Variants in ASCC3 observed in about 807,000 individuals in gnomAD.
ASCC3 encodes the protein activating signal cointegrator 1 complex subunit 3.
A neutral mutation model predicts 256.3 loss-of-function variants in ASCC3; 158 were observed. The ratio of observed to expected loss-of-function variants is 0.62; its 90% CI spans 0.54 to 0.70. The LOEUF is 0.70. Ranked by LOEUF, ASCC3 falls within the 30% of genes least tolerant of loss-of-function variation. ASCC3 has a pLI of 0.00. For synonymous variants in ASCC3, 948 were observed against 883.4 expected, an observed-to-expected ratio of 1.07 and a Z score of -1.30; for missense variants, 2,259 against 2,626.0, an observed-to-expected ratio of 0.86 and a Z score of 3.05.
At chr6:100,791,267 A>G (rs1769338232) in intron 8 of ASCC3, among the ~76,000 whole-genome samples, 1 of 151,884 alleles carries the variant, frequency 6.6e-6, no homozygotes, top group South Asian at 2.1e-4. Flanking sequence ...GAGAATTTTA[A>G]AAGTTTTTCC....
chr6:100,606,174 C>A (rs915178541), intron 32 of ASCC3, among the ~76,000 whole-genome samples: 2 of 152,062 alleles, frequency 1.3e-5, no homozygotes, highest in African/African-American at 4.8e-5. Flanking sequence ...CTACATAAAT[C>A]TCTGAGATAA....
rs140710113 is a variant in ASCC3 at position 100,599,248 on chromosome 6, C to T, written c.5303+2562G>A. Among the ~76,000 whole-genome samples the T allele has an allele frequency of 1.4e-3, 207 of 152,212 alleles. 7 individuals are homozygous for T. The highest frequency in any genetic ancestry group is 0.013 in the Admixed American group (192 of 15,290). On this transcript the variant is annotated intron_variant, in intron 34 of 41. Coordinates refer to ENST00000369162, the MANE Select transcript of ASCC3 (RefSeq NM_006828.4). ...TTTTAATATTATGTCCTGAGAAGAA[C>T]ACAATATCATTTCTGTAATATTCTT...
At chr6:100,659,161 G>C (rs1776066070) in intron 16 of ASCC3, among the ~76,000 whole-genome samples, 3 of 151,336 alleles carry the variant, frequency 2.0e-5, no homozygotes. Context: ...GATATTAATA[G>C]AGGCAACATT....
chr6:100,550,455 G>A (rs1769232428), intron 36 of ASCC3, among the ~76,000 whole-genome samples: 2 of 151,916 alleles, frequency 1.3e-5, no homozygotes, highest in Admixed American at 6.6e-5. Context: ...TATGTTTCTA[G>A]TATTCAAAAG....
Position 100,638,607 on chromosome 6 carries a change from A to G in ASCC3, c.4116T>C (p.Thr1372=), listed in dbSNP as rs146759825. The G allele has an allele frequency of 3.1e-6, 5 of 1,605,894 alleles. No individual in the cohort carries two copies. The highest frequency in any genetic ancestry group is 4.3e-6 in the Non-Finnish European group (5 of 1,172,718). The change falls in exon 25 of 42, where the codon ACT becomes ACC. Residue 1372 remains threonine, a synonymous_variant. Coordinates refer to ENST00000369162, the MANE Select transcript of ASCC3 (RefSeq NM_006828.4). ...AIFRVFNKYP[T]SKAVYIAPLK... is the part of the protein sequence containing the mutation. Reference sequence around the variant, plus strand: ...TATGATTCTTTCAACAGACCTTTGAAGTAGGGTATTTGTTGAAGACTCTGA... The same window carrying G: ...TATGATTCTTTCAACAGACCTTTGAGGTAGGGTATTTGTTGAAGACTCTGA...
At chr6:100,740,736 C>T (rs534886448) in intron 10 of ASCC3, among the ~76,000 whole-genome samples, 24 of 152,278 alleles carry the variant, frequency 1.6e-4, no homozygotes, top group African/African-American at 5.8e-4. Flanking sequence ...ATGGCAACCC[C>T]TGCTTTTTTC....
chr6:100,647,476 G>A, intron 20 of ASCC3, 25 bp from the exon 21 acceptor site: 3 of 1,581,500 alleles, frequency 1.9e-6, no homozygotes, highest in Non-Finnish European at 2.6e-6. Flanking sequence ...GAGGAGATTG[G>A]TGGTTATACC....
intron 8 of ASCC3, among the ~76,000 whole-genome samples, chr6:100,797,491 A>C (rs1187830980): frequency 6.7e-6 from 1 of 148,528 alleles, no homozygotes; most frequent in South Asian, 2.1e-4. Context: ...AAAAAAAAAA[A>C]ACTTAAAATT....
At chr6:100,655,413 T>C (rs1317993152) in intron 17 of ASCC3, among the ~76,000 whole-genome samples, 2 of 151,860 alleles carry the variant, frequency 1.3e-5, no homozygotes, top group Non-Finnish European at 3.0e-5. Context: ...TTTCTCACAG[T>C]TTAAAAAATC....
At position 100,789,677 on chromosome 6, in the gene ASCC3, G is replaced by A. The variant is rs570240078; in HGVS notation, c.1395+9036C>T. 3.3e-5 allele frequency among the ~76,000 whole-genome samples: 5 copies of A among 152,008 alleles called. No homozygotes were observed. In the East Asian group the frequency reaches 9.7e-4, roughly 29 times the overall value. On this transcript the variant is annotated intron_variant, in intron 8 of 41. Transcript: ENST00000369162. Reference sequence around the variant, plus strand: ...AAAACGTATAAGTTTAGAAGAAAGAGGTCCCTATAAGAAAAATATTTTGTT... The same window carrying A: ...AAAACGTATAAGTTTAGAAGAAAGAAGTCCCTATAAGAAAAATATTTTGTT...
chr6:100,642,784 A>T, intron 23 of ASCC3, 35 bp from the exon 24 acceptor site: 1 of 1,561,738 alleles, frequency 6.4e-7, no homozygotes, highest in Non-Finnish European at 8.8e-7. Flanking sequence ...AAATATGGAT[A>T]TTCTAATAGC....
At chr6:100,617,187 T>C (rs997294110) in intron 30 of ASCC3, among the ~76,000 whole-genome samples, 1 of 152,010 alleles carries the variant, frequency 6.6e-6, no homozygotes, top group Non-Finnish European at 1.5e-5. Flanking sequence ...GTATTTTTTT[T>C]AGTAGAGATG....
At chr6:100,515,977 T>C (rs946045360) in intron 39 of ASCC3, among the ~76,000 whole-genome samples, 1 of 152,180 alleles carries the variant, frequency 6.6e-6, no homozygotes, top group Non-Finnish European at 1.5e-5. Flanking sequence ...TATAAAGCAG[T>C]TTACATAAGA....
intron 10 of ASCC3, among the ~76,000 whole-genome samples, chr6:100,739,110 G>GTTCC (rs1191833657): frequency 6.6e-6 from 1 of 152,130 alleles, no homozygotes; most frequent in Non-Finnish European, 1.5e-5. Context: ...TTTGAGGTAT[G>GTTCC]TTCCTTCAAT....
intron 10 of ASCC3, among the ~76,000 whole-genome samples, chr6:100,744,064 T>C (rs1394603718): frequency 6.6e-6 from 1 of 152,218 alleles, no homozygotes; most frequent in Non-Finnish European, 1.5e-5. Context: ...TTTATCAAGC[T>C]ACATAAAGGA....
At chr6:100,752,875 G>A (rs1378868868) in intron 10 of ASCC3, among the ~76,000 whole-genome samples, 1 of 151,944 alleles carries the variant, frequency 6.6e-6, no homozygotes, top group Non-Finnish European at 1.5e-5. Flanking sequence ...ATGAGAGTAA[G>A]TATGAAAAAA....
intron 27 of ASCC3, 66 bp from the exon 28 acceptor site, chr6:100,628,053 C>T: frequency 4.4e-6 from 6 of 1,352,796 alleles, no homozygotes; most frequent in Non-Finnish European, 6.1e-6. Context: ...GCAGCAACCA[C>T]AAAAGGAAGA....
intron 37 of ASCC3, among the ~76,000 whole-genome samples, chr6:100,532,616 C>T (rs1393355712): frequency 6.6e-6 from 1 of 151,478 alleles, no homozygotes; most frequent in Non-Finnish European, 1.5e-5. Context: ...TATCCAGGCA[C>T]TCTCTAAGGT....
chr6:100,565,404 C>G (rs1252383281), intron 36 of ASCC3, among the ~76,000 whole-genome samples: 1 of 152,058 alleles, frequency 6.6e-6, no homozygotes, highest in Non-Finnish European at 1.5e-5. Flanking sequence ...CAGCCATAAT[C>G]AGTATTACTA....
Sources: allele counts gnomAD v4.1 joint callset (sites outside exome capture counted in the v4.1 genomes callset), GRCh38; gene constraint gnomAD v4.1.1; transcripts MANE v1.5; gene names NCBI Gene and HGNC (gene_info 2026-07-23, HGNC 2026-07-21).